Variants in CIDEA observed in about 807,000 individuals in gnomAD.
CIDEA encodes the protein cell death inducing DFFA like effector a.
CIDEA carries 10 observed loss-of-function variants against 18.2 expected under a neutral mutation model. The ratio of observed to expected loss-of-function variants is 0.55; its 90% CI spans 0.34 to 0.93. The LOEUF is 0.93. CIDEA is among the 40% of genes least tolerant of loss of function. The pLI is 0.02. For synonymous variants in CIDEA, 128 were observed against 124.8 expected, an observed-to-expected ratio of 1.03 and a Z score of -0.17; for missense variants, 309 against 293.1, an observed-to-expected ratio of 1.05 and a Z score of -0.40.
intron 1 of CIDEA, among the ~76,000 whole-genome samples, chr18:12,256,928 C>T (rs982633717): frequency 2.8e-4 from 43 of 152,176 alleles, no homozygotes; most frequent in African/African-American, 1.0e-3. Context: ...CAGTCCTTGT[C>T]GGGGCGAGTT....
chr18:12,265,331 C>G (rs1912319436), intron 3 of CIDEA, among the ~76,000 whole-genome samples: 1 of 152,210 alleles, frequency 6.6e-6, no homozygotes, highest in Non-Finnish European at 1.5e-5. Context: ...AATGTTGAGG[C>G]CAGCATCCAG....
At chr18:12,266,920 C>T (rs1912366918) in intron 3 of CIDEA, among the ~76,000 whole-genome samples, 2 of 152,096 alleles carry the variant, frequency 1.3e-5, no homozygotes, top group Admixed American at 1.3e-4. Context: ...GCCACCACGC[C>T]TGGCTAATTT....
chr18:12,277,358 C>T lies in CIDEA; in HGVS notation c.*88C>T, dbSNP rs1905378553. On this transcript the variant is annotated 3_prime_UTR_variant, in exon 5 of 5. Coordinates refer to ENST00000320477, the MANE Select transcript of CIDEA (RefSeq NM_001279.4). ...GTTGAAGATGCTTTTATGTTCTGAGCCACATGCACTTGGAGGCCGCTGGTC... is the reference window on the plus strand; with the variant it reads ...GTTGAAGATGCTTTTATGTTCTGAGTCACATGCACTTGGAGGCCGCTGGTC... 4.1e-6 allele frequency: 6 copies of T among 1,449,822 alleles called. No homozygotes were observed. In the Admixed American group the frequency reaches 1.1e-4, roughly 27 times the overall value. 89.8% of individuals were successfully genotyped at this position (1,449,822 alleles called of 1,614,324 possible). A position where few individuals can be genotyped will look rare whatever the true frequency, so the allele number is the denominator to read the frequency against.
In CIDEA at chr18:12,277,016, C is replaced by G; in HGVS notation, c.513-107C>G. The G allele has an allele frequency of 2.4e-6, 3 of 1,243,282 alleles. No homozygotes were observed. In the South Asian group the frequency reaches 4.1e-5, roughly 17 times the overall value. The allele number at this position is 1,243,282 out of a possible 1,614,324, so 77.0% of individuals were successfully genotyped here. On this transcript the variant is annotated intron_variant, in intron 4 of 4. Coordinates refer to ENST00000320477, the MANE Select transcript of CIDEA (RefSeq NM_001279.4). ...AGCCATGCTCTAAATGTCAGCCTGG[C>G]CTCCTCCGAGTGCCTTTTGGTGGGG...
At chr18:12,268,665 G>A (rs1004846469) in intron 3 of CIDEA, among the ~76,000 whole-genome samples, 1 of 152,144 alleles carries the variant, frequency 6.6e-6, no homozygotes, top group Non-Finnish European at 1.5e-5. Context: ...GCCTCCCACA[G>A]TGCTGGGATT....
chr18:12,265,973 T>C (rs1190097114), intron 3 of CIDEA, among the ~76,000 whole-genome samples: 1 of 152,070 alleles, frequency 6.6e-6, no homozygotes, highest in East Asian at 1.9e-4. Flanking sequence ...ATTAATTAAA[T>C]GCTCAAAGAA....
At position 12,262,968 on chromosome 18, in the gene CIDEA, A is replaced by T. The variant is rs1330568984; in HGVS notation, c.182A>T (p.Lys61Met). The change falls in exon 2 of 5, where the codon AAG becomes ATG. Residue 61 changes from lysine (K) to methionine (M), a missense_variant and splice_region_variant. Lys to Met is a moderately conservative substitution (Grantham distance 95). Transcript: ENST00000320477. ...MASSLQELIS[K>M]TLDALVIATG... ...AGCAGCCTGCAGGAGCTCATCAGCA[A>T]GGTGCCCCACATCCCGCACCTCTCC... The T allele has an allele frequency of 6.2e-7, 1 of 1,614,038 alleles. No homozygotes were observed.
rs372823879 is a variant in CIDEA at position 12,258,956 on chromosome 18, C to G, written c.39-3869C>G. On this transcript the variant is annotated intron_variant, in intron 1 of 4. Coordinates refer to ENST00000320477, the MANE Select transcript of CIDEA (RefSeq NM_001279.4). ...AGCCCGTCCTCACCGCCCTCTCCCC[C>G]CGGGTCACCAGGAGTGAGAGTGTGC... Among the ~76,000 whole-genome samples the G allele has an allele frequency of 5.3e-5, 8 of 152,364 alleles. No homozygotes were observed. The East Asian group carries it at 1.3e-3, about 26-fold the overall frequency.
intron 1 of CIDEA, among the ~76,000 whole-genome samples, chr18:12,258,084 G>A (rs1296906538): frequency 4.6e-5 from 7 of 152,158 alleles, no homozygotes; most frequent in Non-Finnish European, 7.3e-5. Context: ...AAGGTGGGGT[G>A]TAAATTTCCT....
intron 3 of CIDEA, among the ~76,000 whole-genome samples, chr18:12,268,019 G>C (rs746042110): frequency 6.6e-6 from 1 of 152,136 alleles, no homozygotes; most frequent in Non-Finnish European, 1.5e-5. Flanking sequence ...GAAACTATAA[G>C]CTATAGATAG....
chr18:12,272,107 G>A (rs749755086), intron 3 of CIDEA, among the ~76,000 whole-genome samples: 51 of 138,726 alleles, frequency 3.7e-4, no homozygotes, highest in Non-Finnish European at 6.5e-4. Context: ...CCAAGAGGCC[G>A]CTGAGAGAAA....
At chr18:12,264,850 G>A (rs1038169527) in intron 3 of CIDEA, among the ~76,000 whole-genome samples, 5 of 152,212 alleles carry the variant, frequency 3.3e-5, no homozygotes, top group African/African-American at 7.2e-5. Context: ...ACCGCGCCCG[G>A]CCAACTTCTC....
At chr18:12,259,069 A>G (rs542931696) in intron 1 of CIDEA, among the ~76,000 whole-genome samples, 9 of 152,346 alleles carry the variant, frequency 5.9e-5, no homozygotes, top group Admixed American at 2.0e-4. Flanking sequence ...TCGAGGTGAC[A>G]GTTCAGAAGC....
chr18:12,277,246 C>G lies in CIDEA; in HGVS notation c.636C>G (p.Ala212=). Residue 212 remains alanine, a synonymous_variant, in exon 5 of 5, where the codon GCC becomes GCG. Coordinates refer to ENST00000320477, the MANE Select transcript of CIDEA (RefSeq NM_001279.4). The part of the protein sequence containing the change: ...KEERPSLRSQ[A]KGRFTCG ...AGCGGCCATCCCTCCGGTCACAAGCCAAGGGCAGGTTCACGTGTGGATAGG... is the reference window on the plus strand; with the variant it reads ...AGCGGCCATCCCTCCGGTCACAAGCGAAGGGCAGGTTCACGTGTGGATAGG... The G allele has an allele frequency of 1.2e-6, 2 of 1,614,138 alleles. No individual in the cohort carries two copies. Among genetic ancestry groups the G allele is most frequent in the Non-Finnish European group, 1.7e-6 (2 of 1,180,018 alleles).
intron 3 of CIDEA, among the ~76,000 whole-genome samples, chr18:12,269,822 C>G (rs1912463152): frequency 6.6e-6 from 1 of 152,142 alleles, no homozygotes; most frequent in Non-Finnish European, 1.5e-5. Context: ...CTCCTCCTCC[C>G]AAGTAATTGG....
At position 12,274,285 on chromosome 18, in the gene CIDEA, C is replaced by G; in HGVS notation, c.512+11C>G. 3.1e-6 allele frequency: 5 copies of G among 1,613,350 alleles called. No individual in the cohort carries two copies. The highest frequency in any genetic ancestry group is 4.2e-6 in the Non-Finnish European group (5 of 1,179,454). On this transcript the variant is annotated intron_variant, in intron 4 of 4. Transcript: ENST00000320477. ...CAAGGGCCTGCTGAGGTAACACACT[C>G]CAGGGGTCACCTCCGGGGGTCTGCA...
intron 3 of CIDEA, among the ~76,000 whole-genome samples, chr18:12,268,007 G>A (rs944637181): frequency 2.0e-5 from 3 of 152,112 alleles, no homozygotes; most frequent in Non-Finnish European, 2.9e-5. Flanking sequence ...TGTCAAGGTC[G>A]AGAAACTATA....
At chr18:12,273,845 C>A (rs1160990292) in intron 3 of CIDEA, among the ~76,000 whole-genome samples, 1 of 152,210 alleles carries the variant, frequency 6.6e-6, no homozygotes, top group African/African-American at 2.4e-5. Context: ...GCCCTGACGC[C>A]ACACCAGACT....
chr18:12,271,194 C>G (rs993675174), intron 3 of CIDEA, among the ~76,000 whole-genome samples: 4 of 149,948 alleles, frequency 2.7e-5, no homozygotes, highest in African/African-American at 9.7e-5. Flanking sequence ...CCCAGGCGGC[C>G]GGACAGACGC....
Sources: gnomAD v4.1 joint callset for allele counts (sites outside exome capture counted in the v4.1 genomes callset) on GRCh38, gnomAD v4.1.1 for gene constraint, MANE v1.5 for transcripts, NCBI Gene and HGNC (gene_info 2026-07-23, HGNC 2026-07-21) for gene names.